The following ZDHHC2 variants were observed in gnomAD, a reference collection of about 807,000 sequenced individuals.
ZDHHC2 encodes palmitoyltransferase ZDHHC2.
ZDHHC2 carries 51 observed loss-of-function variants against 55.6 expected under a neutral mutation model. The ratio of observed to expected loss-of-function variants is 0.92; its 90% confidence interval spans 0.73 to 1.16. The LOEUF (loss-of-function observed/expected upper bound fraction) is 1.16, where lower values mean the gene tolerates loss of function less well. ZDHHC2 is among the 50% of genes most tolerant of loss of function. The pLI, the probability that ZDHHC2 is intolerant of heterozygous loss-of-function variation, is 0.00. For synonymous variants in ZDHHC2, 199 were observed against 152.9 expected (o/e 1.30, Z -2.22); for missense variants, 491 against 442.4 (o/e 1.11, Z -0.99).
At chr8:17,180,117 A>G (rs1805353042) in intron 1 of ZDHHC2, among the ~76,000 whole-genome samples, 1 of 152,232 alleles carries the variant, frequency 6.6e-6, no homozygotes, top group Admixed American at 6.5e-5. Flanking sequence ...CCCAGGAATA[A>G]ACTGCACCTA....
chr8:17,165,886 C>T (rs1449142671), intron 1 of ZDHHC2, among the ~76,000 whole-genome samples: 4 of 152,170 alleles, frequency 2.6e-5, no homozygotes, highest in African/African-American at 9.6e-5. Context: ...AGAAATATAT[C>T]TCCGGCCAGG....
At chr8:17,176,468 G>A (rs1004452165) in intron 1 of ZDHHC2, among the ~76,000 whole-genome samples, 2 of 151,956 alleles carry the variant, frequency 1.3e-5, no homozygotes, top group African/African-American at 4.8e-5. Flanking sequence ...TTTTTTCACC[G>A]AGAATACATC....
At chr8:17,167,579 A>G (rs1804665527) in intron 1 of ZDHHC2, among the ~76,000 whole-genome samples, 1 of 152,072 alleles carries the variant, frequency 6.6e-6, no homozygotes, top group Non-Finnish European at 1.5e-5. Context: ...TATAGGCGTG[A>G]GCCACCACGC....
At chr8:17,209,200 C>T (rs555591815) in intron 8 of ZDHHC2, among the ~76,000 whole-genome samples, 27 of 152,210 alleles carry the variant, frequency 1.8e-4, no homozygotes, top group Middle Eastern at 3.4e-3. Flanking sequence ...GAACCAGCTT[C>T]GATAGGCAGA....
chr8:17,184,892 G>A, intron 2 of ZDHHC2, 77 bp downstream of exon 2: 1 of 1,309,054 alleles, frequency 7.6e-7, no homozygotes. Flanking sequence ...ATTTGGTTGG[G>A]ATTAATAAAT....
At position 17,156,703 on chromosome 8, in the gene ZDHHC2, G is replaced by C; in HGVS notation, c.-21G>C. 1.4e-6 allele frequency: 2 copies of C among 1,435,570 alleles called. No homozygotes were observed. The highest frequency in any genetic ancestry group is 1.8e-6 in the Non-Finnish European group (2 of 1,089,872). The allele number at this position is 1,435,570 out of a possible 1,614,324, so 88.9% of individuals were successfully genotyped here. A position where few individuals can be genotyped will look rare whatever the true frequency, so the allele number is the denominator to read the frequency against. ...GGCCCGCGGGCGGCGGCGGAGCTGGGCAGGTGGATGCGGCTGGAAGATGGC... is the reference window on the plus strand; with the variant it reads ...GGCCCGCGGGCGGCGGCGGAGCTGGCCAGGTGGATGCGGCTGGAAGATGGC... On this transcript the variant is annotated 5_prime_UTR_variant, in exon 1 of 13. Transcript: ENST00000262096.
chr8:17,201,665 G>GTT lies in ZDHHC2; in HGVS notation c.476+3265_476+3266dup, dbSNP rs67135015. Among the ~76,000 whole-genome samples the GTT allele has an allele frequency of 7.7e-4, 100 of 129,988 alleles. 1 individual carries two copies. The highest frequency in any genetic ancestry group is 1.6e-3 in the African/African-American group (56 of 34,886). The allele number at this position is 129,988 out of a possible 152,430, so 85.3% of individuals were successfully genotyped here. A position where few individuals can be genotyped will look rare whatever the true frequency, so the allele number is the denominator to read the frequency against. On this transcript the variant is annotated intron_variant, in intron 6 of 12. Transcript: ENST00000262096. ...CCACCACTACGCCTCACGGTTTTTGGTTTTTTTTTTTTTTGTATTTTTGGG... is the reference window on the plus strand; with the variant it reads ...CCACCACTACGCCTCACGGTTTTTGGTTTTTTTTTTTTTTTTGTATTTTTGGG...
In ZDHHC2 at chr8:17,223,317, A is replaced by C. The variant is rs1197769100; in HGVS notation, c.*3096A>C. On this transcript the variant is annotated 3_prime_UTR_variant, in exon 13 of 13. Transcript: ENST00000262096. ...AAAGCAGTTTACGTTGTAAATCATG[A>C]TGGTGTCCTCCAGCACAACCATCCC... 1 of 151,858 alleles carries C rather than the reference A, an allele frequency of 6.6e-6. No homozygotes were observed. The highest frequency in any genetic ancestry group is 1.5e-5 in the Non-Finnish European group (1 of 67,792). 9.4% of individuals were successfully genotyped at this position (151,858 alleles called of 1,614,324 possible). A position where few individuals can be genotyped will look rare whatever the true frequency, so the allele number is the denominator to read the frequency against.
chr8:17,184,889 T>C, intron 2 of ZDHHC2, 74 bp downstream of exon 2: 2 of 1,325,302 alleles, frequency 1.5e-6, no homozygotes, highest in Non-Finnish European at 2.1e-6. Context: ...TAGATTTGGT[T>C]GGGATTAATA....
rs1807969948 is a variant in ZDHHC2 at position 17,222,638 on chromosome 8, A to G, written c.*2417A>G. 1.3e-5 allele frequency: 2 copies of G among 151,940 alleles called. No homozygotes were observed. The highest frequency in any genetic ancestry group is 2.1e-4 in the South Asian group (1 of 4,836). The allele number at this position is 151,940 out of a possible 1,614,324, so 9.4% of individuals were successfully genotyped here. On this transcript the variant is annotated 3_prime_UTR_variant, in exon 13 of 13. Transcript: ENST00000262096. ...AAGAGGATTGTTATTTCAAAGATATATTAAAGAACAGTTGCATCTGAATAT... is the reference window on the plus strand; with the variant it reads ...AAGAGGATTGTTATTTCAAAGATATGTTAAAGAACAGTTGCATCTGAATAT...
intron 11 of ZDHHC2, among the ~76,000 whole-genome samples, chr8:17,216,947 T>G (rs1054557803): frequency 7.9e-5 from 12 of 152,146 alleles, no homozygotes; most frequent in African/African-American, 2.9e-4. Context: ...GATGTCTATT[T>G]CTGTTTTTAG....
In ZDHHC2 at chr8:17,156,820, T is replaced by C; in HGVS notation, c.97T>C (p.Ser33Pro). 6.6e-7 allele frequency: 1 copy of C among 1,520,414 alleles called. No homozygotes were observed. The highest frequency in any genetic ancestry group is 8.8e-7 in the Non-Finnish European group (1 of 1,132,682). The allele number at this position is 1,520,414 out of a possible 1,614,324, so 94.2% of individuals were successfully genotyped here. The change falls in exon 1 of 13, where the codon TCC becomes CCC. Residue 33 changes from serine (S) to proline (P), a missense_variant. By Grantham distance (74) the Ser-to-Pro change is moderately conservative. Transcript: ENST00000262096. Reference protein sequence around the residue: ...VVFITLLLGWSYYAYAIQLCI... With the variant: ...VVFITLLLGWPYYAYAIQLCI... ...GTTCATCACCCTCCTGCTCGGCTGG[T>C]CCTACTACGCCTACGCCATCCAGCT...
chr8:17,206,295 G>T (rs1807100009), intron 7 of ZDHHC2, among the ~76,000 whole-genome samples: 1 of 152,122 alleles, frequency 6.6e-6, no homozygotes, highest in African/African-American at 2.4e-5. Context: ...AGTACTGTTA[G>T]CTATGAGTTC....
In ZDHHC2 at chr8:17,205,807, G is replaced by A. The variant is rs545515932; in HGVS notation, c.597+32G>A. The A allele has an allele frequency of 6.5e-5, 102 of 1,573,074 alleles. No homozygotes were observed. In the South Asian group the frequency reaches 1.1e-3, roughly 18 times the overall value. On this transcript the variant is annotated intron_variant, in intron 7 of 12. Coordinates refer to ENST00000262096, the MANE Select transcript of ZDHHC2 (RefSeq NM_016353.5). ...CATTAACTTGGTAACTCTTTTTTTG[G>A]TATACAATAATAGATAATATAGGCT...
At chr8:17,187,874 C>G (rs1805796115) in intron 3 of ZDHHC2, among the ~76,000 whole-genome samples, 1 of 152,180 alleles carries the variant, frequency 6.6e-6, no homozygotes, top group Non-Finnish European at 1.5e-5. Flanking sequence ...ACCAACATCT[C>G]AAATACAAAA....
At chr8:17,174,797 G>A (rs537523359) in intron 1 of ZDHHC2, among the ~76,000 whole-genome samples, 28 of 136,480 alleles carry the variant, frequency 2.1e-4, no homozygotes, top group Non-Finnish European at 3.5e-4. Context: ...TGCAGCCTCC[G>A]CCTCCTGGGC....
chr8:17,171,386 G>A (rs1804844925), intron 1 of ZDHHC2, among the ~76,000 whole-genome samples: 1 of 152,168 alleles, frequency 6.6e-6, no homozygotes, highest in African/African-American at 2.4e-5. Context: ...CCAGCCCTGA[G>A]ATCAGATTTC....
chr8:17,169,921 G>A (rs550508203), intron 1 of ZDHHC2, among the ~76,000 whole-genome samples: 10 of 152,214 alleles, frequency 6.6e-5, no homozygotes, highest in Non-Finnish European at 1.0e-4. Flanking sequence ...GGTGGTACTT[G>A]TATAATATTA....
chr8:17,176,588 G>A (rs1805144307), intron 1 of ZDHHC2, among the ~76,000 whole-genome samples: 1 of 152,144 alleles, frequency 6.6e-6, no homozygotes, highest in African/African-American at 2.4e-5. Context: ...CCGTGATCAA[G>A]ATCACACATA....
Sources: allele counts gnomAD v4.1 joint callset (sites outside exome capture counted in the v4.1 genomes callset), GRCh38; gene constraint gnomAD v4.1.1; transcripts MANE v1.5; gene names NCBI Gene and HGNC (gene_info 2026-07-23, HGNC 2026-07-21).